Variants in ADGRB3 observed in about 807,000 individuals in gnomAD.
The protein encoded by ADGRB3 is adhesion G protein-coupled receptor B3.
ADGRB3 carries 37 observed loss-of-function variants against 193.4 expected under a neutral mutation model. The observed-to-expected ratio is 0.19, with a 90% CI of 0.15 to 0.25. The LOEUF is 0.25. Among genes scored for constraint, ADGRB3 ranks in the 10% least tolerant of loss-of-function variants. ADGRB3 has a pLI of 1.00. For synonymous variants in ADGRB3, 690 were observed against 644.2 expected (o/e 1.07, Z -1.08); for missense variants, 1,637 against 1,852.9 (o/e 0.88, Z 2.14).
At chr6:68,740,579 GCTA>G (rs1765960066) in intron 3 of ADGRB3, among the ~76,000 whole-genome samples, 1 of 152,054 alleles carries the variant, frequency 6.6e-6, no homozygotes. Context: ...TTCCAATTTG[GCTA>G]CTAAGAATGA....
intron 3 of ADGRB3, among the ~76,000 whole-genome samples, chr6:68,667,531 A>AT (rs1768832800): frequency 6.6e-6 from 1 of 151,942 alleles, no homozygotes; most frequent in Admixed American, 6.6e-5. Context: ...TTTTAGAATA[A>AT]TATGTGTTTC....
chr6:69,072,582 C>A (rs1772107125), intron 16 of ADGRB3, among the ~76,000 whole-genome samples: 1 of 151,862 alleles, frequency 6.6e-6, no homozygotes, highest in Admixed American at 6.6e-5. Flanking sequence ...AAATATTAAG[C>A]CTATAGTCCG....
chr6:69,000,034 AG>A (rs1269215576), intron 11 of ADGRB3, among the ~76,000 whole-genome samples: 1 of 152,030 alleles, frequency 6.6e-6, no homozygotes, highest in Non-Finnish European at 1.5e-5. Flanking sequence ...TTATTCTATC[AG>A]TAGAGGATTG....
intron 3 of ADGRB3, among the ~76,000 whole-genome samples, chr6:68,695,074 G>T (rs1765135363): frequency 6.6e-6 from 1 of 151,984 alleles, no homozygotes; most frequent in South Asian, 2.1e-4. Context: ...CCTGAAGTGT[G>T]GCTAATGTGA....
intron 17 of ADGRB3, among the ~76,000 whole-genome samples, chr6:69,112,869 T>C (rs573754506): frequency 1.3e-5 from 2 of 152,290 alleles, no homozygotes; most frequent in South Asian, 4.1e-4. Flanking sequence ...GCGATTCTCC[T>C]GCCTCTGCCT....
chr6:68,804,776 C>T (rs1767372778), intron 3 of ADGRB3, among the ~76,000 whole-genome samples: 1 of 151,960 alleles, frequency 6.6e-6, no homozygotes, highest in South Asian at 2.1e-4. Flanking sequence ...ATATTTAAAT[C>T]AATATTTAAA....
chr6:68,728,870 G>A (rs1308741157), intron 3 of ADGRB3, among the ~76,000 whole-genome samples: 2 of 151,498 alleles, frequency 1.3e-5, no homozygotes, highest in African/African-American at 4.8e-5. Context: ...GGGAAAATAT[G>A]ATGTCAGAAT....
chr6:68,883,516 T>C (rs1305424546), intron 3 of ADGRB3, among the ~76,000 whole-genome samples: 1 of 152,200 alleles, frequency 6.6e-6, no homozygotes, highest in Non-Finnish European at 1.5e-5. Context: ...TTATGAGCTG[T>C]AACACTCACC....
chr6:68,673,208 G>A (rs1769009558), intron 3 of ADGRB3, among the ~76,000 whole-genome samples: 1 of 152,004 alleles, frequency 6.6e-6, no homozygotes, highest in Non-Finnish European at 1.5e-5. Context: ...TCTTATCCTT[G>A]GTAGATAAGT....
chr6:69,328,972 T>C (rs1200298091), intron 22 of ADGRB3, among the ~76,000 whole-genome samples: 4 of 152,134 alleles, frequency 2.6e-5, no homozygotes, highest in Non-Finnish European at 5.9e-5. Flanking sequence ...TAAAGTCCAA[T>C]ACAATACAAT....
At chr6:68,649,590 A>T (rs1286857700) in intron 3 of ADGRB3, among the ~76,000 whole-genome samples, 2 of 152,208 alleles carry the variant, frequency 1.3e-5, no homozygotes, top group Non-Finnish European at 1.5e-5. Flanking sequence ...TTAGTCTAAG[A>T]TTATTAAATT....
At chr6:68,659,167 A>G (rs1768561175) in intron 3 of ADGRB3, among the ~76,000 whole-genome samples, 1 of 151,012 alleles carries the variant, frequency 6.6e-6, no homozygotes, top group Middle Eastern at 3.2e-3. Flanking sequence ...TTTTTGTGCT[A>G]TTTTCTTAAT....
intron 13 of ADGRB3, among the ~76,000 whole-genome samples, chr6:69,046,985 G>T (rs764074259): frequency 1.3e-5 from 2 of 152,140 alleles, no homozygotes; most frequent in Non-Finnish European, 2.9e-5. Flanking sequence ...AGCCTCCCGA[G>T]TAGCTGGGAC....
rs112360932 is a variant in ADGRB3, at chr6:68,970,047, G to A, written c.1526-4716G>A. ...GCCCCAAGCTCTTCCTTGCTTCAAG[G>A]CCTTTGCACAAATTGTTTCCTCTGC... On this transcript the variant is annotated intron_variant, in intron 8 of 31. Transcript: ENST00000370598. 2.2e-3 allele frequency among the ~76,000 whole-genome samples: 339 copies of A among 152,180 alleles called. 4 individuals are homozygous for A. The highest frequency in any genetic ancestry group is 3.7e-3 in the Non-Finnish European group (254 of 68,020).
chr6:69,349,733 T>G (rs1025055247), intron 26 of ADGRB3, among the ~76,000 whole-genome samples: 5 of 152,166 alleles, frequency 3.3e-5, no homozygotes, highest in African/African-American at 1.2e-4. Flanking sequence ...TTACAAATAA[T>G]TACAAGAATG....
chr6:68,772,870 C>CAAA (rs1766646582), intron 3 of ADGRB3, among the ~76,000 whole-genome samples: 1 of 13,468 alleles, frequency 7.4e-5, no homozygotes, highest in African/African-American at 2.2e-4. Flanking sequence ...AACAAACAAA[C>CAAA]AAACAAACAA....
intron 17 of ADGRB3, among the ~76,000 whole-genome samples, chr6:69,083,036 C>T (rs1337214821): frequency 6.6e-6 from 1 of 152,110 alleles, no homozygotes; most frequent in South Asian, 2.1e-4. Context: ...CTAGCTGGAT[C>T]GTTGTCACAT....
At chr6:69,049,407 C>T (rs1043110526) in intron 15 of ADGRB3, 61 bp downstream of exon 15, 124 of 1,221,350 alleles carry the variant, frequency 1.0e-4, no homozygotes, top group South Asian at 2.0e-4. Context: ...GTGATTATAG[C>T]TCATTCTATA....
intron 15 of ADGRB3, among the ~76,000 whole-genome samples, chr6:69,050,721 G>T (rs1467140168): frequency 1.3e-5 from 2 of 152,078 alleles, no homozygotes. Flanking sequence ...CTTAAAATCA[G>T]GTGACTTGTG....
Sources: gnomAD v4.1 joint callset for allele counts (sites outside exome capture counted in the v4.1 genomes callset) on GRCh38, gnomAD v4.1.1 for gene constraint, MANE v1.5 for transcripts, NCBI Gene and HGNC (gene_info 2026-07-23, HGNC 2026-07-21) for gene names.